AXL: variants seen among roughly 807,000 people sequenced by gnomAD.
The protein encoded by AXL is tyrosine-protein kinase receptor UFO.
AXL carries 52 observed loss-of-function variants against 104.5 expected under a neutral mutation model. The ratio of observed to expected loss-of-function variants is 0.50; its 90% CI spans 0.40 to 0.63. The LOEUF (loss-of-function observed/expected upper bound fraction) is 0.63. Ranked by LOEUF, AXL falls within the 20% of genes least tolerant of loss-of-function variation. The pLI is 0.00. For missense variants in AXL, 1,024 were observed against 1,188.5 expected (o/e 0.86, Z 2.04); for synonymous variants, 455 against 473.7 (o/e 0.96, Z 0.51).
chr19:41,243,780 TG>T, intron 12 of AXL, 73 bp downstream of exon 12: 2 of 1,363,478 alleles, frequency 1.5e-6, no homozygotes, highest in South Asian at 2.3e-5. Flanking sequence ...GCTGGGCTTC[TG>T]TACATGTGTG....
chr19:41,243,826 A>G, intron 12 of AXL, 119 bp downstream of exon 12: 5 of 767,572 alleles, frequency 6.5e-6, no homozygotes, highest in Non-Finnish European at 1.1e-5. Flanking sequence ...GGATACTAGA[A>G]TGTCAGAACC....
intron 2 of AXL, 139 bp from the exon 3 acceptor site, chr19:41,221,007 C>A: frequency 8.5e-7 from 1 of 1,174,864 alleles, no homozygotes; most frequent in Non-Finnish European, 1.2e-6. Context: ...TCCTCTTCTG[C>A]AAAATGAGTT....
rs1599733064 is a variant in AXL, at chr19:41,237,805, T to G, written c.784-139T>G. On this transcript the variant is annotated intron_variant, in intron 6 of 19. Transcript: ENST00000301178. ...TGCTTTGCAAATCCAGGTGCCCGTGTTATCCTAGCATGGCACTGCAACACA... is the reference window on the plus strand; with the variant it reads ...TGCTTTGCAAATCCAGGTGCCCGTGGTATCCTAGCATGGCACTGCAACACA... The G allele has an allele frequency of 2.1e-5, 16 of 778,946 alleles. No individual in the cohort carries two copies. In the East Asian group the frequency reaches 4.3e-4, roughly 21 times the overall value. The allele number at this position is 778,946 out of a possible 1,614,324, so 48.3% of individuals were successfully genotyped here. A position where few individuals can be genotyped will look rare whatever the true frequency, so the allele number is the denominator to read the frequency against.
intron 4 of AXL, among the ~76,000 whole-genome samples, chr19:41,224,238 CCT>C (rs1454770538): frequency 2.0e-5 from 3 of 151,830 alleles, no homozygotes; most frequent in Non-Finnish European, 4.4e-5. Flanking sequence ...ATGGTGCACA[CCT>C]CTCTGTATGG....
In AXL at chr19:41,219,380, A is replaced by G. The variant is rs751579351; in HGVS notation, c.-13A>G. 3.0e-5 allele frequency: 47 copies of G among 1,582,670 alleles called. No homozygotes were observed. The East Asian group carries it at 1.1e-3, about 37-fold the overall frequency. On this transcript the variant is annotated 5_prime_UTR_variant, in exon 1 of 20. Transcript: ENST00000301178. ...CTGGGAGCCCAACAACTTCTGAGGA[A>G]AGTTTGGCACCCATGGCGTGGCGGT...
At position 41,239,233 on chromosome 19, in the gene AXL, C is replaced by T. The variant is rs769595912; in HGVS notation, c.1204C>T (p.Leu402=). 2.5e-6 allele frequency: 4 copies of T among 1,612,668 alleles called. No homozygotes were observed. The highest frequency in any genetic ancestry group is 2.5e-6 in the Non-Finnish European group (3 of 1,179,288). The change falls in exon 9 of 20, where the codon CTG becomes TTG. Residue 402 remains leucine, a synonymous_variant. Coordinates refer to ENST00000301178, the MANE Select transcript of AXL (RefSeq NM_021913.5). ...GCAGGGGGACGGGTCTGTGTCCAAT[C>T]TGACAGTGTGTGTGGCAGCCTACAC... ...ELQGDGSVSN[L]TVCVAAYTAA...
chr19:41,255,500 G>A (rs1466814953), intron 17 of AXL, among the ~76,000 whole-genome samples: 1 of 151,242 alleles, frequency 6.6e-6, no homozygotes, highest in Non-Finnish European at 1.5e-5. Context: ...GGGTGCAGTG[G>A]CATGATCATA....
chr19:41,238,698 G>A, intron 8 of AXL, 89 bp downstream of exon 8: 1 of 1,479,016 alleles, frequency 6.8e-7, no homozygotes, highest in African/African-American at 1.4e-5. Context: ...TGTGAAGGTT[G>A]GGTAGTACAC....
chr19:41,252,012 C>T (rs868154776), intron 14 of AXL, among the ~76,000 whole-genome samples: 6 of 150,494 alleles, frequency 4.0e-5, no homozygotes, highest in South Asian at 2.1e-4. Flanking sequence ...ACTCAGGAGG[C>T]TGAGGCAGGA....
Position 41,256,390 on chromosome 19 carries a change from G to T in AXL, c.2037-62G>T, listed in dbSNP as rs1201549682. 27 of 1,580,440 alleles carry T rather than the reference G, an allele frequency of 1.7e-5. No homozygotes were observed. The East Asian group carries it at 6.1e-4, about 36-fold the overall frequency. On this transcript the variant is annotated intron_variant, in intron 17 of 19. Transcript: ENST00000301178. ...AGGTGCAGATGTGTCTGAGAGCCAG[G>T]GCAGGCTTCCTGGTGGAGGTGACTG... is the stretch of plus-strand genomic sequence containing the variant.
chr19:41,222,656 C>T (rs1454610902), intron 4 of AXL, among the ~76,000 whole-genome samples: 1 of 152,148 alleles, frequency 6.6e-6, no homozygotes, highest in Non-Finnish European at 1.5e-5. Context: ...CCTGTAATCC[C>T]AGCACTTTGG....
At chr19:41,253,162 G>A (rs1241795278) in intron 16 of AXL, among the ~76,000 whole-genome samples, 195 bp downstream of exon 16, 2 of 152,138 alleles carry the variant, frequency 1.3e-5, no homozygotes, top group Non-Finnish European at 2.9e-5. Context: ...TTAAGTGCTA[G>A]GAAGGAAATA....
intron 12 of AXL, among the ~76,000 whole-genome samples, chr19:41,246,344 G>A (rs1355853839): frequency 2.6e-5 from 4 of 152,014 alleles, no homozygotes; most frequent in African/African-American, 9.7e-5. Flanking sequence ...CTACTTGGGA[G>A]GCTGAGGAAA....
chr19:41,233,509 T>C (rs1363080653), intron 6 of AXL, among the ~76,000 whole-genome samples: 1 of 151,376 alleles, frequency 6.6e-6, no homozygotes, highest in Non-Finnish European at 1.5e-5. Context: ...CACACACCTG[T>C]AGTCCCAGAT....
At chr19:41,238,668 T>A in intron 8 of AXL, 59 bp downstream of exon 8, 1 of 1,548,152 alleles carries the variant, frequency 6.5e-7, no homozygotes, top group Non-Finnish European at 8.8e-7. Context: ...GGAGAACATA[T>A]CAGGGCAGAC....
intron 6 of AXL, among the ~76,000 whole-genome samples, chr19:41,232,240 T>C (rs2034004101): frequency 6.6e-6 from 1 of 152,182 alleles, no homozygotes; most frequent in South Asian, 2.1e-4. Context: ...GGACCAGACA[T>C]AGAGTAGGGA....
At chr19:41,233,832 G>T (rs2034035837) in intron 6 of AXL, among the ~76,000 whole-genome samples, 1 of 151,588 alleles carries the variant, frequency 6.6e-6, no homozygotes, top group Non-Finnish European at 1.5e-5. Flanking sequence ...GGCATAAGTT[G>T]CACTCTACCC....
intron 12 of AXL, among the ~76,000 whole-genome samples, chr19:41,248,136 C>A (rs1224009225): frequency 6.6e-6 from 1 of 152,136 alleles, no homozygotes; most frequent in African/African-American, 2.4e-5. Flanking sequence ...GTTGCCCAGG[C>A]TGGTCTTGAA....
At chr19:41,247,722 T>A (rs1192214149) in intron 12 of AXL, among the ~76,000 whole-genome samples, 1 of 151,924 alleles carries the variant, frequency 6.6e-6, no homozygotes, top group East Asian at 1.9e-4. Context: ...TAGCTGGGAC[T>A]ATAGGCGCGT....
Sources: gnomAD v4.1 joint callset for allele counts (sites outside exome capture counted in the v4.1 genomes callset) on GRCh38, gnomAD v4.1.1 for gene constraint, MANE v1.5 for transcripts, NCBI Gene and HGNC (gene_info 2026-07-23, HGNC 2026-07-21) for gene names.